Variants in SYT1 observed in about 807,000 individuals in gnomAD.
SYT1 encodes the protein synaptotagmin 1.
SYT1 carries 8 observed loss-of-function variants against 44.8 expected under a neutral mutation model. The observed-to-expected ratio is 0.18, with a 90% confidence interval of 0.10 to 0.32. The LOEUF is 0.32. SYT1 is among the 10% of genes least tolerant of loss of function. The probability of loss-of-function intolerance (pLI) is 1.00; values close to 1 mark genes in which losing one functional copy is unlikely to be tolerated. For missense variants in SYT1, 286 were observed against 509.3 expected (o/e 0.56, Z 4.22); for synonymous variants, 154 against 188.8 (o/e 0.82, Z 1.51).
chr12:79,202,130 A>G (rs2138499198), intron 3 of SYT1, among the ~76,000 whole-genome samples: 1 of 152,316 alleles, frequency 6.6e-6, no homozygotes, highest in African/African-American at 2.4e-5. Context: ...CCAAATCAGA[A>G]ACTATATTCT....
intron 1 of SYT1, among the ~76,000 whole-genome samples, chr12:78,876,852 T>C (rs1414495861): frequency 1.2e-5 from 1 of 82,346 alleles, no homozygotes; most frequent in African/African-American, 5.4e-5. Context: ...ATATATATTA[T>C]ATATAATATA....
At chr12:79,027,428 A>G (rs896642654) in intron 2 of SYT1, among the ~76,000 whole-genome samples, 1 of 151,556 alleles carries the variant, frequency 6.6e-6, no homozygotes, top group Non-Finnish European at 1.5e-5. Flanking sequence ...ACTGTCTATC[A>G]TATTAAGGAG....
intron 9 of SYT1, among the ~76,000 whole-genome samples, chr12:79,430,798 A>AAAC (rs1284779058): frequency 6.6e-6 from 1 of 152,182 alleles, no homozygotes; most frequent in Non-Finnish European, 1.5e-5. Flanking sequence ...AGACTAAACA[A>AAAC]AACAACAACA....
intron 4 of SYT1, among the ~76,000 whole-genome samples, chr12:79,278,584 C>A (rs1878868730): frequency 6.6e-6 from 1 of 151,998 alleles, no homozygotes; most frequent in South Asian, 2.1e-4. Flanking sequence ...AATTGACAAG[C>A]TAATGTCATG....
intron 8 of SYT1, among the ~76,000 whole-genome samples, chr12:79,353,139 C>G (rs1259501044): frequency 6.6e-6 from 1 of 152,126 alleles, no homozygotes; most frequent in Non-Finnish European, 1.5e-5. Context: ...TATTTCAAAG[C>G]TGTTTAATAA....
intron 2 of SYT1, among the ~76,000 whole-genome samples, chr12:79,022,086 A>G (rs1422019193): frequency 6.6e-6 from 1 of 151,712 alleles, no homozygotes; most frequent in African/African-American, 2.4e-5. Context: ...ATGAGTGCCA[A>G]TGAATTTGCG....
At position 78,975,281 on chromosome 12, in the gene SYT1, C is replaced by G. The variant is rs558503250; in HGVS notation, c.-216-2518C>G. Among the ~76,000 whole-genome samples the G allele has an allele frequency of 2.0e-5, 3 of 152,182 alleles. No homozygotes were observed. In the East Asian group the frequency reaches 5.8e-4, roughly 29 times the overall value. On this transcript the variant is annotated intron_variant, in intron 1 of 10. Transcript: ENST00000261205. ...ATTATGTAAACACTTATGTTATACT[C>G]TGTATATTTATCAAATACCCCTCCT...
intron 3 of SYT1, among the ~76,000 whole-genome samples, chr12:79,201,599 A>G (rs183339888): frequency 6.6e-6 from 1 of 152,292 alleles, no homozygotes; most frequent in East Asian, 1.9e-4. Context: ...CCAGAATTTT[A>G]ATAATTGTTT....
chr12:79,341,113 TAAGGGTTTGACATATAAG>T (rs1304327151), intron 8 of SYT1: 1 of 152,178 alleles, frequency 6.6e-6, no homozygotes, highest in African/African-American at 2.4e-5. Context: ...AAACCCAACA[TAAGGGTTTGACATATAAG>T]ACTAAGCTTT....
intron 1 of SYT1, among the ~76,000 whole-genome samples, chr12:78,909,873 G>T (rs115925721): frequency 1.3e-5 from 2 of 151,860 alleles, no homozygotes; most frequent in Non-Finnish European, 2.9e-5. Context: ...ACCCACAACA[G>T]GTTGTTCTTT....
At position 79,449,085 on chromosome 12, in the gene SYT1, A is replaced by G. The variant is rs757032254; in HGVS notation, c.1230A>G (p.Val410=). Reference sequence around the variant, plus strand: ...TTGCCCAGTGGCACACCCTGCAGGTAGAGGAGGAAGTTGATGCCATGCTGG... The same window carrying G: ...TTGCCCAGTGGCACACCCTGCAGGTGGAGGAGGAAGTTGATGCCATGCTGG... The part of the protein sequence containing the change: ...RPIAQWHTLQ[V]EEEVDAMLAV... The change falls in exon 11 of 11, where the codon GTA becomes GTG. Residue 410 remains valine, a synonymous_variant. Transcript: ENST00000261205. The G allele has an allele frequency of 1.2e-6, 2 of 1,613,956 alleles. No individual in the cohort carries two copies. Among genetic ancestry groups the G allele is most frequent in the Non-Finnish European group, 1.7e-6 (2 of 1,179,922 alleles).
intron 8 of SYT1, among the ~76,000 whole-genome samples, chr12:79,299,993 A>G (rs1592942990): frequency 1.3e-5 from 2 of 152,200 alleles, no homozygotes; most frequent in East Asian, 3.8e-4. Context: ...TCTGCATATC[A>G]CAGACAGTTC....
chr12:78,898,459 C>T (rs567845473), intron 1 of SYT1, among the ~76,000 whole-genome samples: 4 of 152,042 alleles, frequency 2.6e-5, no homozygotes, highest in African/African-American at 4.8e-5. Context: ...ACAACATAAT[C>T]CCTATTTTCA....
intron 3 of SYT1, among the ~76,000 whole-genome samples, chr12:79,086,336 T>C (rs1314695578): frequency 6.6e-6 from 1 of 152,128 alleles, no homozygotes; most frequent in East Asian, 1.9e-4. Context: ...CCTGTCAAGA[T>C]ATCTACTCTC....
chr12:79,025,330 A>G (rs1008385086), intron 2 of SYT1, among the ~76,000 whole-genome samples: 1 of 151,788 alleles, frequency 6.6e-6, no homozygotes, highest in Non-Finnish European at 1.5e-5. Context: ...TAAAACTCTT[A>G]AACTCAAAGC....
intron 1 of SYT1, chr12:78,868,642 G>A (rs1419458140): frequency 2.0e-5 from 3 of 151,718 alleles, no homozygotes; most frequent in Non-Finnish European, 4.4e-5. Flanking sequence ...TTTCAAAAAG[G>A]TTTAGAAACT....
At chr12:78,882,603 A>G (rs1280049576) in intron 1 of SYT1, among the ~76,000 whole-genome samples, 1 of 151,870 alleles carries the variant, frequency 6.6e-6, no homozygotes, top group African/African-American at 2.4e-5. Context: ...AGAGATTTGA[A>G]CAAATAATTG....
At chr12:79,262,170 A>T (rs1256847953) in intron 4 of SYT1, among the ~76,000 whole-genome samples, 1 of 152,246 alleles carries the variant, frequency 6.6e-6, no homozygotes, top group African/African-American at 2.4e-5. Context: ...AATTCTGGTC[A>T]GTTGTAGTTA....
rs182042874 is a variant in SYT1, at chr12:79,397,256, G to T, written c.928+43637G>T. Reference sequence around the variant, plus strand: ...TTTGTTTTATTTTGTTTGAGACAGGGTCTCCCTCTGTTGCCCAGGCTGGAG... The same window carrying T: ...TTTGTTTTATTTTGTTTGAGACAGGTTCTCCCTCTGTTGCCCAGGCTGGAG... On this transcript the variant is annotated intron_variant, in intron 9 of 10. Transcript: ENST00000261205. Among the ~76,000 whole-genome samples the T allele has an allele frequency of 3.3e-5, 5 of 152,248 alleles. No homozygotes were observed. The East Asian group carries it at 5.8e-4, about 18-fold the overall frequency.
Sources: allele counts gnomAD v4.1 joint callset (sites outside exome capture counted in the v4.1 genomes callset), GRCh38; gene constraint gnomAD v4.1.1; transcripts MANE v1.5; gene names NCBI Gene and HGNC (gene_info 2026-07-23, HGNC 2026-07-21).